The following CLIP1 variants were observed in gnomAD, a reference collection of about 807,000 sequenced individuals.
The protein encoded by CLIP1 is CAP-Gly domain containing linker protein 1, also known as CAP-Gly domain-containing linker protein 1.
In CLIP1, 66 loss-of-function variants were observed where a neutral mutation model predicts 161.6. The ratio of observed to expected loss-of-function variants is 0.41; its 90% CI spans 0.33 to 0.50. The LOEUF is 0.50. Among genes scored for constraint, CLIP1 ranks in the 20% least tolerant of loss-of-function variants. The probability of loss-of-function intolerance (pLI) is 0.27; values close to 1 mark genes in which losing one functional copy is unlikely to be tolerated. For synonymous variants in CLIP1, 598 were observed against 626.2 expected (o/e 0.96, Z 0.67); for missense variants, 1,376 against 1,702.0 (o/e 0.81, Z 3.37).
intron 20 of CLIP1, among the ~76,000 whole-genome samples, chr12:122,300,432 C>A (rs1950638086): frequency 6.6e-6 from 1 of 151,836 alleles, no homozygotes; most frequent in Non-Finnish European, 1.5e-5. Flanking sequence ...TGGCTGAGAG[C>A]AAAAAAATGT....
At chr12:122,376,346 C>G (rs1318380449) in intron 3 of CLIP1, among the ~76,000 whole-genome samples, 1 of 152,190 alleles carries the variant, frequency 6.6e-6, no homozygotes, top group Non-Finnish European at 1.5e-5. Context: ...AGCCACCGTA[C>G]CTAGCCACGG....
intron 1 of CLIP1, among the ~76,000 whole-genome samples, chr12:122,419,926 C>T (rs1395403416): frequency 5.0e-5 from 4 of 79,840 alleles, no homozygotes; most frequent in African/African-American, 2.5e-4. Context: ...GACTCTGTCT[C>T]AAAAAAAAAA....
chr12:122,290,270 T>C (rs78777635), intron 20 of CLIP1, among the ~76,000 whole-genome samples: 1,706 of 152,298 alleles, frequency 0.011, 35 homozygotes, highest in African/African-American at 0.036. Flanking sequence ...CTGTAAATGT[T>C]AACATAGTTT....
intron 1 of CLIP1, among the ~76,000 whole-genome samples, chr12:122,415,197 A>C (rs903266734): frequency 2.6e-5 from 4 of 152,120 alleles, no homozygotes; most frequent in African/African-American, 9.6e-5. Flanking sequence ...AAGATTGAAA[A>C]GTGGCTGGGC....
At chr12:122,327,752 A>G (rs988568104) in intron 17 of CLIP1, among the ~76,000 whole-genome samples, 195 bp downstream of exon 17, 1 of 152,058 alleles carries the variant, frequency 6.6e-6, no homozygotes, top group Non-Finnish European at 1.5e-5. Flanking sequence ...CCGTCCGAGA[A>G]GGAACAGCAG....
chr12:122,364,687 G>C (rs1954038845), intron 3 of CLIP1: 1 of 477,624 alleles, frequency 2.1e-6, no homozygotes, highest in Admixed American at 2.4e-5. Context: ...TTACAGGCGT[G>C]AGCCACCACT....
rs529751924 is a variant in CLIP1 at position 122,335,806 on chromosome 12, C to CA, written c.2568+825dup. 8.6e-3 allele frequency among the ~76,000 whole-genome samples: 1,089 copies of CA among 127,010 alleles called. 7 individuals are homozygous for CA. The highest frequency in any genetic ancestry group is 0.038 in the South Asian group (156 of 4,080). 83.3% of individuals were successfully genotyped at this position (127,010 alleles called of 152,430 possible). On this transcript the variant is annotated intron_variant, in intron 12 of 25. Coordinates refer to ENST00000620786, the MANE Select transcript of CLIP1 (RefSeq NM_001247997.2). ...TGGGCAACAGAACAAGACTCTGTCT[C>CA]AAAAAAAAAAAAAAGATCACACACG...
intron 1 of CLIP1, among the ~76,000 whole-genome samples, chr12:122,399,065 T>A (rs997514490): frequency 5.3e-5 from 8 of 152,058 alleles, no homozygotes; most frequent in Admixed American, 5.2e-4. Flanking sequence ...ATTCTTCATA[T>A]TCTCATCTGA....
intron 1 of CLIP1, among the ~76,000 whole-genome samples, chr12:122,386,468 T>C (rs1002646990): frequency 1.3e-5 from 2 of 152,134 alleles, no homozygotes; most frequent in Non-Finnish European, 2.9e-5. Context: ...GGTACACCAT[T>C]GTTATGGAAA....
intron 20 of CLIP1, among the ~76,000 whole-genome samples, chr12:122,304,725 A>G (rs1418751343): frequency 6.6e-6 from 1 of 152,152 alleles, no homozygotes; most frequent in Non-Finnish European, 1.5e-5. Flanking sequence ...TGCTGGACAC[A>G]TTTTTTAATA....
chr12:122,380,469 A>C lies in CLIP1; in HGVS notation c.-17T>G. 1 of 1,570,668 alleles carries C rather than the reference A, an allele frequency of 6.4e-7. No individual in the cohort carries two copies. The highest frequency in any genetic ancestry group is 8.8e-7 in the Non-Finnish European group (1 of 1,142,774). On this transcript the variant is annotated 5_prime_UTR_variant, in exon 2 of 26. Coordinates refer to ENST00000620786, the MANE Select transcript of CLIP1 (RefSeq NM_001247997.2). ...CATACTCATTTTCTTTGTATGTCAG[A>C]GCTGTTTCTCCTTTGCCTGTTGCCA...
chr12:122,377,736 C>T lies in CLIP1; in HGVS notation c.310G>A (p.Ala104Thr). 1.2e-6 allele frequency: 2 copies of T among 1,613,892 alleles called. No homozygotes were observed. Among genetic ancestry groups the T allele is most frequent in the Non-Finnish European group, 1.7e-6 (2 of 1,179,988 alleles). The change falls in exon 3 of 26, where the codon GCA becomes ACA. Residue 104 changes from alanine (A) to threonine (T), a missense_variant. Ala to Thr is a moderately conservative substitution (Grantham distance 58). Coordinates refer to ENST00000620786, the MANE Select transcript of CLIP1 (RefSeq NM_001247997.2). ...EPIGKNDGSV[A>T]GVRYFQCEPL... ...TCACACTGGAAATACCGAACTCCTG[C>T]CACCGAACCATCGTTCTTGCCTATG...
At chr12:122,321,842 T>C (rs563733461) in intron 17 of CLIP1, among the ~76,000 whole-genome samples, 6 of 152,200 alleles carry the variant, frequency 3.9e-5, no homozygotes, top group Non-Finnish European at 8.8e-5. Context: ...GCTCTTAAGC[T>C]TTTTCATAAA....
At position 122,278,887 on chromosome 12, in the gene CLIP1, T is replaced by C; in HGVS notation, c.3821A>G (p.Gln1274Arg). ...ASAKSLHSVV[Q>R]TLESDKVKLE... The stretch of plus-strand genomic sequence containing the variant: ...CTTCACCTTATCAGACTCTAGAGTC[T>C]GAACAACTGAATGCAAGGACTTGGC... The change falls in exon 23 of 26, where the codon CAG (glutamine) becomes CGG (arginine). Residue 1274 changes from glutamine (Q) to arginine (R), a missense_variant. Physicochemically the swap from Gln to Arg is conservative, Grantham distance 43. This residue lies in a region of CLIP1 where 948 missense variants were observed against 1,134.8 expected (regional missense o/e 0.84). Coordinates refer to ENST00000620786, the MANE Select transcript of CLIP1 (RefSeq NM_001247997.2). The C allele has an allele frequency of 3.1e-6, 5 of 1,613,438 alleles. No individual in the cohort carries two copies. Among genetic ancestry groups the C allele is most frequent in the Non-Finnish European group, 4.2e-6 (5 of 1,179,764 alleles).
chr12:122,343,098 T>C (rs1167187353), intron 10 of CLIP1: 3 of 151,384 alleles, frequency 2.0e-5, no homozygotes, highest in African/African-American at 7.3e-5. Flanking sequence ...ACCTGTAGAA[T>C]GAAAGCCTCA....
intron 15 of CLIP1, among the ~76,000 whole-genome samples, chr12:122,328,829 C>T (rs1951815335): frequency 6.6e-6 from 1 of 152,210 alleles, no homozygotes; most frequent in Non-Finnish European, 1.5e-5. Context: ...GATTCGCCTG[C>T]CTCGGCCTCC....
At chr12:122,390,768 A>C (rs930816938) in intron 1 of CLIP1, among the ~76,000 whole-genome samples, 4 of 151,962 alleles carry the variant, frequency 2.6e-5, no homozygotes, top group African/African-American at 9.6e-5. Context: ...TATAATGTTT[A>C]TCTCTCTTCT....
chr12:122,386,596 T>C (rs556116396), intron 1 of CLIP1, among the ~76,000 whole-genome samples: 48 of 152,328 alleles, frequency 3.2e-4, no homozygotes, highest in Non-Finnish European at 6.3e-4. Context: ...AAGAGAATAG[T>C]GTCTTTTTGG....
Position 122,402,857 on chromosome 12 carries a change from T to C in CLIP1, c.-107+19664A>G, listed in dbSNP as rs568743089. ...AACAAATGTGATTAACGTAAAATTA[T>C]TAACATTTTACATTCTTTTTTCATA... is the stretch of plus-strand genomic sequence containing the variant. On this transcript the variant is annotated intron_variant, in intron 1 of 25. Transcript: ENST00000620786. 8.7e-4 allele frequency among the ~76,000 whole-genome samples: 133 copies of C among 152,334 alleles called. 3 individuals are homozygous for C. In the South Asian group the frequency reaches 0.024, roughly 28 times the overall value.
Sources: gnomAD v4.1 joint callset for allele counts (sites outside exome capture counted in the v4.1 genomes callset) on GRCh38, gnomAD v4.1.1 for gene constraint, gnomAD v4.1.1 regional missense constraint, MANE v1.5 for transcripts, NCBI Gene and HGNC (gene_info 2026-07-23, HGNC 2026-07-21) for gene names.